Variants in TAF4 observed in about 807,000 individuals in gnomAD.
TAF4 encodes the protein transcription initiation factor TFIID subunit 4.
Under a neutral mutation model 90.3 loss-of-function variants are expected in TAF4, and 9 were observed. That is an observed-to-expected ratio of 0.10 (90% CI 0.06 to 0.17). The LOEUF is 0.17. Among genes scored for constraint, TAF4 ranks in the 10% least tolerant of loss-of-function variants. TAF4 has a pLI of 1.00. For synonymous variants in TAF4, 818 were observed against 638.9 expected, an observed-to-expected ratio of 1.28 and a Z score of -4.23; for missense variants, 1,351 against 1,370.7, an observed-to-expected ratio of 0.99 and a Z score of 0.23.
Position 62,065,561 on chromosome 20 carries a change from C to A in TAF4, c.250G>T (p.Gly84Ter). The change falls in exon 1 of 15, where the codon GGA becomes TGA. Residue 84 changes from glycine to a stop codon, truncating the protein, a stop_gained. Transcript: ENST00000252996. LOFTEE classifies it high-confidence loss of function. ...GCGGGGGGCGGCTCCGGCGCCGCTCCGGGCGCGCCCTCGGCGGGGGCGGCC... is the reference window on the plus strand; with the variant it reads ...GCGGGGGGCGGCTCCGGCGCCGCTCAGGGCGCGCCCTCGGCGGGGGCGGCC... The part of the protein sequence containing the change: ...GPAAPAEGAP[G>*]AAPEPPPAGR... 1 of 976,862 alleles carries A rather than the reference C, an allele frequency of 1.0e-6. No homozygotes were observed. The highest frequency in any genetic ancestry group is 4.6e-5 in the South Asian group (1 of 21,706). 60.5% of individuals were successfully genotyped at this position (976,862 alleles called of 1,614,324 possible).
rs1009545889 is a variant in TAF4 at position 62,006,143 on chromosome 20, C to T, written c.2223+367G>A. On this transcript the variant is annotated intron_variant, in intron 7 of 14. Transcript: ENST00000252996. This position sits in a 1 kb window ranked among gnomAD's most constrained non-coding sequence, Gnocchi z 7.0. ...TCCAGTCTCCTGCCCACCTGTCCCA[C>T]GCAGGTGCCCGTGTCTTACGCTTGG... 18 of 172,086 alleles carry T rather than the reference C, an allele frequency of 1.0e-4. No individual in the cohort carries two copies. Among genetic ancestry groups the T allele is most frequent in the Non-Finnish European group, 2.0e-4 (16 of 81,840 alleles). The allele number at this position is 172,086 out of a possible 1,614,324, so 10.7% of individuals were successfully genotyped here. A position where few individuals can be genotyped will look rare whatever the true frequency, so the allele number is the denominator to read the frequency against.
chr20:62,035,154 A>G (rs1341582113), intron 1 of TAF4, among the ~76,000 whole-genome samples: 1 of 152,172 alleles, frequency 6.6e-6, no homozygotes, highest in East Asian at 1.9e-4. Context: ...TGACCCACAG[A>G]TTGATACAAC....
Position 62,065,122 on chromosome 20 carries a change from T to C in TAF4, c.689A>G (p.Lys230Arg). ...GATGACAGTGCCGGGGGCGGCGGGC[T>C]TGGGCAGCGGCAGCAGCGCGGCGGG... ...NGPAALLPLP[K>R]PAAPGTVIQT... Residue 230 changes from lysine (K) to arginine (R), a missense_variant, in exon 1 of 15, where the codon AAG becomes AGG. Physicochemically the swap from Lys to Arg is conservative, Grantham distance 26. Transcript: ENST00000252996. 2.6e-6 allele frequency: 3 copies of C among 1,143,702 alleles called. No homozygotes were observed. The highest frequency in any genetic ancestry group is 1.6e-5 in the South Asian group (1 of 62,378). 70.8% of individuals were successfully genotyped at this position (1,143,702 alleles called of 1,614,324 possible).
intron 1 of TAF4, among the ~76,000 whole-genome samples, chr20:62,041,001 T>A (rs1477192168): frequency 1.3e-5 from 2 of 152,198 alleles, no homozygotes; most frequent in African/African-American, 4.8e-5. Flanking sequence ...CCCATAAAAA[T>A]AACAAACTGT....
intron 1 of TAF4, among the ~76,000 whole-genome samples, chr20:62,021,055 A>G (rs557573084): frequency 1.3e-5 from 2 of 152,246 alleles, no homozygotes; most frequent in African/African-American, 4.8e-5. Context: ...ACGGGGAAGG[A>G]GAGCTCAGCA....
intron 1 of TAF4, among the ~76,000 whole-genome samples, chr20:62,061,963 G>C (rs185312194): frequency 6.6e-6 from 1 of 152,332 alleles, no homozygotes; most frequent in East Asian, 1.9e-4. Flanking sequence ...AAAGACTTCA[G>C]GGTGAAACCT....
chr20:62,064,418 C>T lies in TAF4; in HGVS notation c.1360+33G>A, dbSNP rs1275983780. ...ACTGGCAGCTGGCGCTGCTGGGAGC[C>T]GCCCTTCCCTCCCGCCCCGTGCGGC... On this transcript the variant is annotated intron_variant, in intron 1 of 14. Transcript: ENST00000252996. The T allele has an allele frequency of 1.1e-5, 14 of 1,286,340 alleles. 1 individual carries two copies. The highest frequency in any genetic ancestry group is 2.3e-4 in the Middle Eastern group (1 of 4,400). The allele number at this position is 1,286,340 out of a possible 1,614,324, so 79.7% of individuals were successfully genotyped here. A position where few individuals can be genotyped will look rare whatever the true frequency, so the allele number is the denominator to read the frequency against.
At chr20:62,056,641 T>C (rs942622802) in intron 1 of TAF4, among the ~76,000 whole-genome samples, 3 of 151,120 alleles carry the variant, frequency 2.0e-5, no homozygotes, top group Non-Finnish European at 4.4e-5. Flanking sequence ...AGCACAGACT[T>C]GGGTCACAGG....
intron 11 of TAF4, among the ~76,000 whole-genome samples, chr20:61,999,433 C>T (rs1039757182): frequency 3.9e-5 from 6 of 152,234 alleles, no homozygotes; most frequent in African/African-American, 1.4e-4. Context: ...ACAGCAAGGG[C>T]TAAGTGTGTT....
chr20:62,040,964 T>C (rs903173137), intron 1 of TAF4, among the ~76,000 whole-genome samples: 14 of 152,238 alleles, frequency 9.2e-5, no homozygotes, highest in Non-Finnish European at 1.3e-4. Context: ...GGCAAATGTA[T>C]AGCGTACATC....
At chr20:62,000,767 T>C (rs2055694944) in intron 9 of TAF4, 46 bp from the exon 10 acceptor site, 1 of 1,605,730 alleles carries the variant, frequency 6.2e-7, no homozygotes, top group Non-Finnish European at 8.5e-7. Context: ...AAGGAATTCA[T>C]CGGGAGGTGG....
intron 1 of TAF4, among the ~76,000 whole-genome samples, chr20:62,026,970 G>T (rs1203446520): frequency 6.6e-6 from 1 of 152,182 alleles, no homozygotes; most frequent in Admixed American, 6.5e-5. Context: ...CTCATGATTT[G>T]TTTCACTCGT....
At chr20:62,057,226 A>C (rs1330617208) in intron 1 of TAF4, among the ~76,000 whole-genome samples, 1 of 152,192 alleles carries the variant, frequency 6.6e-6, no homozygotes, top group Non-Finnish European at 1.5e-5. Flanking sequence ...CAGCTGACCC[A>C]CAAAGCCTCT....
Position 61,994,681 on chromosome 20 carries a change from C to T in TAF4, c.3090+2869G>A, listed in dbSNP as rs565951491. 1.2e-4 allele frequency among the ~76,000 whole-genome samples: 18 copies of T among 152,320 alleles called. 1 individual carries two copies. Among genetic ancestry groups the T allele is most frequent in the African/African-American group, 3.8e-4 (16 of 41,564 alleles). On this transcript the variant is annotated intron_variant, in intron 14 of 14. Transcript: ENST00000252996. ...GGACATCCCACCCACACATTTCCAA[C>T]AGTCCTGGTGGGGAGGGGGAGCTCT... is the stretch of plus-strand genomic sequence containing the variant.
rs762174915 is a variant in TAF4, at chr20:62,030,598, G to A, written c.1361-15891C>T. 4.3e-4 allele frequency among the ~76,000 whole-genome samples: 65 copies of A among 152,236 alleles called. 2 individuals are homozygous for A. The highest frequency in any genetic ancestry group is 3.9e-4 in the Admixed American group (6 of 15,310). On this transcript the variant is annotated intron_variant, in intron 1 of 14. Coordinates refer to ENST00000252996, the MANE Select transcript of TAF4 (RefSeq NM_003185.4). ...AGAGGACGCACTCGCAGGATGGGCT[G>A]GACAGTGCTGGGAAGGGTCTTGCTT...
chr20:61,984,827 G>C (rs193157843), intron 14 of TAF4, among the ~76,000 whole-genome samples: 1 of 146,686 alleles, frequency 6.8e-6, no homozygotes, highest in Non-Finnish European at 1.5e-5. Context: ...TGTTTGCATG[G>C]TGAGTAGAAA....
At chr20:61,994,540 T>C (rs1446286547) in intron 14 of TAF4, among the ~76,000 whole-genome samples, 2 of 152,256 alleles carry the variant, frequency 1.3e-5, no homozygotes, top group East Asian at 1.9e-4. Context: ...TGGGATGCCA[T>C]ATTGCCAAAA....
chr20:62,004,323 C>CTTTTTT lies in TAF4; in HGVS notation c.2224-446_2224-445insAAAAAA, dbSNP rs1434356168. On this transcript the variant is annotated intron_variant, in intron 7 of 14. Coordinates refer to ENST00000252996, the MANE Select transcript of TAF4 (RefSeq NM_003185.4). ...TCATCTGAATTTTCTTTTTTCTTTT[C>CTTTTTT]TTTTCTTTTTTTTTTTTTTTTTGAG... Among the ~76,000 whole-genome samples, 11 of 114,044 alleles carry CTTTTTT rather than the reference C, an allele frequency of 9.6e-5. 1 individual carries two copies. Among genetic ancestry groups the CTTTTTT allele is most frequent in the African/African-American group, 2.7e-4 (9 of 33,258 alleles). The allele number at this position is 114,044 out of a possible 152,430, so 74.8% of individuals were successfully genotyped here.
chr20:62,029,885 A>G (rs1450354744), intron 1 of TAF4, among the ~76,000 whole-genome samples: 3 of 152,146 alleles, frequency 2.0e-5, no homozygotes, highest in Non-Finnish European at 4.4e-5. Context: ...CAGCCTGGTG[A>G]CACGGCAAGA....
Sources: gnomAD v4.1 joint callset for allele counts (sites outside exome capture counted in the v4.1 genomes callset) on GRCh38, gnomAD v4.1.1 for gene constraint, Gnocchi (gnomAD v3.1) non-coding constraint, MANE v1.5 for transcripts, NCBI Gene and HGNC (gene_info 2026-07-23, HGNC 2026-07-21) for gene names.